Variants in WWTR1 observed in about 807,000 individuals in gnomAD.
WWTR1 encodes WW domain-containing transcription regulator protein 1.
In WWTR1, 13 loss-of-function variants were observed where a neutral mutation model predicts 40.1. The observed-to-expected ratio is 0.32, with a 90% CI of 0.21 to 0.52. The LOEUF is 0.52. Among genes scored for constraint, WWTR1 ranks in the 20% least tolerant of loss-of-function variants. WWTR1 has a pLI of 0.97. For synonymous variants in WWTR1, 230 were observed against 210.1 expected (o/e 1.09, Z -0.82); for missense variants, 436 against 523.1 (o/e 0.83, Z 1.63).
intron 1 of WWTR1, among the ~76,000 whole-genome samples, chr3:149,681,470 T>G (rs1305024981): frequency 6.6e-6 from 1 of 152,232 alleles, no homozygotes; most frequent in Non-Finnish European, 1.5e-5. Flanking sequence ...TGGCCATCTG[T>G]ATGTCTTTAT....
rs1218561912 is a variant in WWTR1 at position 149,518,325 on chromosome 3, A to G, written c.*2480T>C. On this transcript the variant is annotated 3_prime_UTR_variant, in exon 7 of 7. Transcript: ENST00000360632. ...TGGTAATATAAATCATCAATGATTT[A>G]CCTACTTTAAAAAAGAGGGGTATCT... 6.6e-6 allele frequency: 1 copy of G among 152,158 alleles called. No homozygotes were observed. The highest frequency in any genetic ancestry group is 2.4e-5 in the African/African-American group (1 of 41,466). The allele number at this position is 152,158 out of a possible 1,614,324, so 9.4% of individuals were successfully genotyped here. A position where few individuals can be genotyped will look rare whatever the true frequency, so the allele number is the denominator to read the frequency against.
At chr3:149,585,121 C>CGTGTGTGTGTGT (rs61655468) in intron 2 of WWTR1, among the ~76,000 whole-genome samples, 15,339 of 144,262 alleles carry the variant, frequency 0.11, 929 homozygotes, top group East Asian at 0.15. Flanking sequence ...TGATTTCTTT[C>CGTGTGTGTGTGT]GTGTGTGTGT....
intron 3 of WWTR1, among the ~76,000 whole-genome samples, chr3:149,552,330 A>G (rs1416930963): frequency 1.8e-5 from 2 of 109,174 alleles, no homozygotes; most frequent in East Asian, 5.7e-4. Flanking sequence ...CAGAGTAGGC[A>G]CTAAATACAT....
At chr3:149,631,109 C>T (rs1711535505) in intron 2 of WWTR1, among the ~76,000 whole-genome samples, 1 of 152,108 alleles carries the variant, frequency 6.6e-6, no homozygotes, top group African/African-American at 2.4e-5. Flanking sequence ...AGAGCTGTCC[C>T]CACTCACCTG....
At chr3:149,584,178 G>A (rs895650482) in intron 2 of WWTR1, among the ~76,000 whole-genome samples, 9 of 152,238 alleles carry the variant, frequency 5.9e-5, no homozygotes, top group African/African-American at 1.9e-4. Context: ...GAAATATGTC[G>A]AAGCTAAAGC....
At chr3:149,531,570 C>T (rs749634449) in intron 4 of WWTR1, among the ~76,000 whole-genome samples, 14 of 151,976 alleles carry the variant, frequency 9.2e-5, no homozygotes, top group Admixed American at 2.6e-4. Context: ...CCTGCACCTG[C>T]GCCAACTGTT....
chr3:149,581,685 G>C (rs1040042283), intron 2 of WWTR1, among the ~76,000 whole-genome samples: 1 of 152,206 alleles, frequency 6.6e-6, no homozygotes, highest in Admixed American at 6.5e-5. Context: ...GGCAGGGATT[G>C]TATTTTTAAC....
In WWTR1 at chr3:149,527,895, G is replaced by T; in HGVS notation, c.846C>A (p.Pro282=). Residue 282 remains proline (P), a synonymous_variant, in exon 5 of 7, where the codon CCC becomes CCA. Coordinates refer to ENST00000360632, the MANE Select transcript of WWTR1 (RefSeq NM_015472.6). ...TGGATCTCATGTCTGGGGTCATCGT[G>T]GGTGGGTTGACAGCAGCCTGAACTG... ...LAPVQAAVNP[P]TMTPDMRSIT... The T allele has an allele frequency of 6.2e-7, 1 of 1,614,142 alleles. No individual in the cohort carries two copies. Among genetic ancestry groups the T allele is most frequent in the Non-Finnish European group, 8.5e-7 (1 of 1,180,034 alleles).
Position 149,696,220 on chromosome 3 carries a change from G to A in WWTR1, c.-108+6904C>T, listed in dbSNP as rs554113737. Among the ~76,000 whole-genome samples, 16 of 151,258 alleles carry A rather than the reference G, an allele frequency of 1.1e-4. No homozygotes were observed. In the South Asian group the frequency reaches 2.3e-3, roughly 22 times the overall value. ...CTTTGGACTCAAACAAATGCAGGCCGAATTTATCACCTTCCTCCAAATCTG... is the reference window on the plus strand; with the variant it reads ...CTTTGGACTCAAACAAATGCAGGCCAAATTTATCACCTTCCTCCAAATCTG... On this transcript the variant is annotated intron_variant, in intron 1 of 7. Coordinates refer to the WWTR1 transcript ENST00000465804.
chr3:149,573,880 C>A (rs1737759187), intron 2 of WWTR1, among the ~76,000 whole-genome samples: 1 of 152,110 alleles, frequency 6.6e-6, no homozygotes, highest in Non-Finnish European at 1.5e-5. Context: ...TTGCAGGTCA[C>A]TCCTGGTACC....
intron 2 of WWTR1, among the ~76,000 whole-genome samples, chr3:149,656,162 A>G (rs1475630984): frequency 6.6e-6 from 1 of 152,236 alleles, no homozygotes; most frequent in Non-Finnish European, 1.5e-5. Flanking sequence ...TGTAAAATTC[A>G]TGACATCAAA....
At chr3:149,654,468 A>AT (rs1200274352) in intron 2 of WWTR1, among the ~76,000 whole-genome samples, 8 of 151,976 alleles carry the variant, frequency 5.3e-5, no homozygotes, top group Admixed American at 1.3e-4. Context: ...CTACTTACAC[A>AT]TTTTTTTCAG....
chr3:149,578,875 C>T (rs2108008941), intron 2 of WWTR1, among the ~76,000 whole-genome samples: 1 of 152,196 alleles, frequency 6.6e-6, no homozygotes, highest in East Asian at 1.9e-4. Flanking sequence ...AAGAGTGAAA[C>T]TCCATCTCAA....
intron 2 of WWTR1, among the ~76,000 whole-genome samples, chr3:149,588,404 C>T (rs917071601): frequency 6.6e-6 from 1 of 152,182 alleles, no homozygotes; most frequent in Non-Finnish European, 1.5e-5. Context: ...CTGTAAATCA[C>T]AAACATGACT....
intron 2 of WWTR1, among the ~76,000 whole-genome samples, chr3:149,633,670 A>G (rs1355644069): frequency 1.3e-5 from 2 of 152,136 alleles, no homozygotes; most frequent in African/African-American, 4.8e-5. Flanking sequence ...TCAGGGGTGG[A>G]GCGGACACTA....
At chr3:149,708,029 C>A (rs538955277), upstream of WWTR1, among the ~76,000 whole-genome samples, 1 of 152,284 alleles carries the variant, frequency 6.6e-6, no homozygotes, top group Admixed American at 6.5e-5. Context: ...TCTAATCAAT[C>A]CTGCAGTAAA....
At chr3:149,541,988 A>G (rs937501124) in intron 4 of WWTR1, among the ~76,000 whole-genome samples, 1 of 152,234 alleles carries the variant, frequency 6.6e-6, no homozygotes, top group Admixed American at 6.5e-5. Flanking sequence ...ATTGTGCGAT[A>G]TAATGAAATG....
chr3:149,705,210 A>G (rs1301783388), upstream of WWTR1, among the ~76,000 whole-genome samples: 2 of 152,086 alleles, frequency 1.3e-5, no homozygotes, highest in African/African-American at 2.4e-5. Context: ...AAGAAAGAGA[A>G]CAGAAAAATT....
At chr3:149,636,966 GAAAAAAAA>G (rs397950107) in intron 2 of WWTR1, among the ~76,000 whole-genome samples, 1,093 of 43,316 alleles carry the variant, frequency 0.025, 16 homozygotes, top group African/African-American at 0.1. Flanking sequence ...TGTCTCAAGT[GAAAAAAAA>G]AAAAAAAAAA....
Sources: gnomAD v4.1 joint callset for allele counts (sites outside exome capture counted in the v4.1 genomes callset) on GRCh38, gnomAD v4.1.1 for gene constraint, MANE v1.5 for transcripts, NCBI Gene and HGNC (gene_info 2026-07-23, HGNC 2026-07-21) for gene names.